RGS22: variants seen among roughly 807,000 people sequenced by gnomAD.
RGS22 encodes regulator of G protein signaling 22.
A neutral mutation model predicts 172.9 loss-of-function variants in RGS22; 148 were observed. The observed-to-expected ratio is 0.86, with a 90% CI of 0.75 to 0.98. The LOEUF (loss-of-function observed/expected upper bound fraction) is 0.98. Ranked by LOEUF, RGS22 falls within the 50% of genes least tolerant of loss-of-function variation. RGS22 has a pLI of 0.00. For missense variants in RGS22, 1,347 were observed against 1,440.8 expected (o/e 0.93, Z 1.05); for synonymous variants, 458 against 480.2 (o/e 0.95, Z 0.60).
chr8:100,095,740 T>G (rs1812915819), intron 2 of RGS22, among the ~76,000 whole-genome samples: 1 of 152,224 alleles, frequency 6.6e-6, no homozygotes, highest in African/African-American at 2.4e-5. Context: ...CTTGGTGACT[T>G]GACATTTCCT....
intron 21 of RGS22, 111 bp downstream of exon 21, chr8:99,987,347 A>T (rs12545059): frequency 0.35 from 253,409 of 725,508 alleles, 46,575 homozygotes; most frequent in Middle Eastern, 0.39. Context: ...AGAAGATAGC[A>T]AAATTGGGAT....
chr8:99,976,382 G>C (rs545847257), intron 23 of RGS22, among the ~76,000 whole-genome samples: 5 of 152,070 alleles, frequency 3.3e-5, no homozygotes, highest in African/African-American at 1.2e-4. Flanking sequence ...TTGTTTTTGA[G>C]ACGGAGTCTT....
chr8:100,101,048 T>G (rs1439796113), intron 2 of RGS22, among the ~76,000 whole-genome samples: 2 of 152,210 alleles, frequency 1.3e-5, no homozygotes, highest in Non-Finnish European at 2.9e-5. Flanking sequence ...ATGGAAGACT[T>G]GATAAAGACT....
At chr8:100,096,646 T>G (rs1265102661) in intron 2 of RGS22, among the ~76,000 whole-genome samples, 1 of 151,192 alleles carries the variant, frequency 6.6e-6, no homozygotes, top group South Asian at 2.1e-4. Flanking sequence ...CTCTGTCACT[T>G]AGGCGCTTAG....
intron 14 of RGS22, among the ~76,000 whole-genome samples, chr8:100,032,983 C>T (rs1004009112): frequency 1.1e-4 from 16 of 152,178 alleles, no homozygotes; most frequent in African/African-American, 3.9e-4. Flanking sequence ...AACAGAGACA[C>T]AATGTACCAG....
intron 8 of RGS22, 82 bp from the exon 9 acceptor site, chr8:100,062,834 G>C: frequency 8.9e-7 from 1 of 1,124,940 alleles, no homozygotes. Flanking sequence ...ATATTCAGGA[G>C]AATAAACACA....
At chr8:100,036,530 T>C (rs1794251518) in intron 14 of RGS22, among the ~76,000 whole-genome samples, 1 of 152,148 alleles carries the variant, frequency 6.6e-6, no homozygotes, top group South Asian at 2.1e-4. Context: ...TCTCTTGAAA[T>C]CAAATCTCAG....
intron 11 of RGS22, 148 bp from the exon 12 acceptor site, chr8:100,042,064 C>A (rs1820196730): frequency 3.8e-6 from 2 of 520,956 alleles, no homozygotes; most frequent in Admixed American, 3.3e-5. Context: ...AAACATCGTT[C>A]TAGCCCTAAA....
At chr8:100,068,076 C>G (rs1215898273) in intron 6 of RGS22, among the ~76,000 whole-genome samples, 1 of 152,044 alleles carries the variant, frequency 6.6e-6, no homozygotes, top group Non-Finnish European at 1.5e-5. Context: ...AATTCAAAAG[C>G]TATTGAAAAA....
chr8:100,065,923 G>T (rs913264550), intron 7 of RGS22, among the ~76,000 whole-genome samples: 2 of 152,096 alleles, frequency 1.3e-5, no homozygotes, highest in African/African-American at 2.4e-5. Context: ...AAAAGGCAAG[G>T]CTCCCAGAAG....
At chr8:100,005,477 A>T (rs1357182960) in intron 16 of RGS22, among the ~76,000 whole-genome samples, 1 of 152,074 alleles carries the variant, frequency 6.6e-6, no homozygotes, top group East Asian at 1.9e-4. Flanking sequence ...GGCTTTAAGG[A>T]TTTATTATGT....
intron 2 of RGS22, among the ~76,000 whole-genome samples, chr8:100,101,068 G>A (rs117929041): frequency 0.011 from 1,721 of 152,178 alleles, 12 homozygotes; most frequent in Non-Finnish European, 0.019. Context: ...TTTTTTTGAA[G>A]TCTGGCACAC....
At chr8:99,973,450 T>C (rs1811588117) in intron 23 of RGS22, among the ~76,000 whole-genome samples, 1 of 151,946 alleles carries the variant, frequency 6.6e-6, no homozygotes, top group Non-Finnish European at 1.5e-5. Flanking sequence ...CACTCATAAA[T>C]GGGAGTTGAA....
At chr8:100,000,979 T>G (rs1467552438) in intron 18 of RGS22, among the ~76,000 whole-genome samples, 1 of 151,804 alleles carries the variant, frequency 6.6e-6, no homozygotes, top group Non-Finnish European at 1.5e-5. Flanking sequence ...AATCTGAAAT[T>G]TGTATTTTAT....
chr8:99,982,074 T>G lies in RGS22; in HGVS notation c.3223A>C (p.Lys1075Gln). The G allele has an allele frequency of 6.2e-7, 1 of 1,613,780 alleles. No individual in the cohort carries two copies. The highest frequency in any genetic ancestry group is 8.5e-7 in the Non-Finnish European group (1 of 1,179,772). Reference protein sequence around the residue: ...SHCDESVIQKKITTIINCFIN... With the variant: ...SHCDESVIQKQITTIINCFIN... ...AAGCAGTTGATAATAGTTGTAATCT[T>G]CTTCTGGATGACAGACTCATCACAA... The change falls in exon 22 of 28, where the codon AAG (lysine) becomes CAG (glutamine). Residue 1075 changes from lysine (K) to glutamine (Q), a missense_variant. Coordinates refer to ENST00000360863, the MANE Select transcript of RGS22 (RefSeq NM_015668.5).
At chr8:100,065,562 A>C (rs1810479911) in intron 7 of RGS22, among the ~76,000 whole-genome samples, 2 of 152,104 alleles carry the variant, frequency 1.3e-5, no homozygotes, top group Admixed American at 6.6e-5. Context: ...CTCACACTTA[A>C]GTTTTTTTCT....
chr8:100,057,855 C>G (rs1015667069), intron 9 of RGS22, among the ~76,000 whole-genome samples: 1 of 152,036 alleles, frequency 6.6e-6, no homozygotes, highest in Non-Finnish European at 1.5e-5. Flanking sequence ...AACAACCTCA[C>G]CAAATGAATG....
intron 10 of RGS22, among the ~76,000 whole-genome samples, chr8:100,047,974 C>A (rs775228300): frequency 6.6e-6 from 1 of 151,022 alleles, no homozygotes; most frequent in African/African-American, 2.4e-5. Context: ...GGGGGGGGTG[C>A]GGGTGTCAGC....
At chr8:100,006,423 C>T (rs1317050537) in intron 15 of RGS22, among the ~76,000 whole-genome samples, 2 of 152,100 alleles carry the variant, frequency 1.3e-5, no homozygotes, top group East Asian at 3.9e-4. Context: ...TGATAATAGT[C>T]ATGAAAGCAG....
Sources: gnomAD v4.1 joint callset for allele counts (sites outside exome capture counted in the v4.1 genomes callset) on GRCh38, gnomAD v4.1.1 for gene constraint, MANE v1.5 for transcripts, NCBI Gene and HGNC (gene_info 2026-07-23, HGNC 2026-07-21) for gene names.